Variants in RASGRF1 observed in about 807,000 individuals in gnomAD.
RASGRF1 encodes the protein ras-specific guanine nucleotide-releasing factor 1.
A neutral mutation model predicts 138.7 loss-of-function variants in RASGRF1; 40 were observed. That is an observed-to-expected ratio of 0.29 (90% confidence interval 0.22 to 0.38). RASGRF1 has a LOEUF of 0.38. Among genes scored for constraint, RASGRF1 ranks in the 10% least tolerant of loss-of-function variants. The probability of loss-of-function intolerance (pLI) is 1.00; values close to 1 mark genes in which losing one functional copy is unlikely to be tolerated. For missense variants in RASGRF1, 1,108 were observed against 1,650.4 expected, an observed-to-expected ratio of 0.67 and a Z score of 5.69; for synonymous variants, 614 against 663.2, an observed-to-expected ratio of 0.93 and a Z score of 1.14.
At chr15:78,991,515 T>C (rs1219982117) in intron 21 of RASGRF1, among the ~76,000 whole-genome samples, 176 bp downstream of exon 21, 1 of 152,124 alleles carries the variant, frequency 6.6e-6, no homozygotes, top group East Asian at 1.9e-4. Context: ...GGAGAGAATT[T>C]GGTGGGCAGG....
chr15:79,009,316 G>C lies in RASGRF1; in HGVS notation c.1827-2882C>G, dbSNP rs143806630. On this transcript the variant is annotated intron_variant, in intron 13 of 26. Transcript: ENST00000558480. Reference sequence around the variant, plus strand: ...TCTCAAAAGGAAGGTGAGAAACTGTGAAGAAGCAATAATAAAAGAAATACT... The same window carrying C: ...TCTCAAAAGGAAGGTGAGAAACTGTCAAGAAGCAATAATAAAAGAAATACT... 3.2e-3 allele frequency among the ~76,000 whole-genome samples: 494 copies of C among 152,346 alleles called. 4 individuals carry two copies. Among genetic ancestry groups the C allele is most frequent in the African/African-American group, 0.011 (478 of 41,576 alleles).
At chr15:79,044,191 A>G (rs950156647) in intron 5 of RASGRF1, among the ~76,000 whole-genome samples, 21 of 152,182 alleles carry the variant, frequency 1.4e-4, no homozygotes, top group African/African-American at 5.1e-4. Context: ...TGACCATGAC[A>G]TTCTCTGCCT....
At position 78,985,039 on chromosome 15, in the gene RASGRF1, G is replaced by C; in HGVS notation, c.3382C>G (p.Leu1128Val). 6.2e-7 allele frequency: 1 copy of C among 1,614,112 alleles called. No homozygotes were observed. Among genetic ancestry groups the C allele is most frequent in the Non-Finnish European group, 8.5e-7 (1 of 1,180,000 alleles). The part of the protein sequence containing the change: ...SSMNRSAIFR[L>V]KKTWLKVSKQ... ...GAGACTTTGAGCCACGTCTTTTTGA[G>C]CCGGAAGATTGCACTGCGGTTCATG... is the stretch of plus-strand genomic sequence containing the variant. Residue 1128 changes from leucine (L) to valine (V), a missense_variant, in exon 23 of 27, where the codon CTC (leucine) becomes GTC (valine). Around this residue, in one of 3 missense-constraint regions of RASGRF1, gnomAD observed 686 missense variants for 976.7 expected, o/e 0.70. Coordinates refer to ENST00000558480, the MANE Select transcript of RASGRF1 (RefSeq NM_001145648.3).
At chr15:79,090,186 G>A (rs2058035667) in intron 1 of RASGRF1, 37 bp downstream of exon 1, 3 of 1,551,832 alleles carry the variant, frequency 1.9e-6, no homozygotes, top group Middle Eastern at 2.3e-4. Flanking sequence ...GGCCGCGGCC[G>A]GGACGCAGGG....
At chr15:79,000,856 C>T (rs1033550409) in intron 16 of RASGRF1, among the ~76,000 whole-genome samples, 1 of 152,194 alleles carries the variant, frequency 6.6e-6, no homozygotes, top group Non-Finnish European at 1.5e-5. Context: ...CTCTAAAGCT[C>T]GGTGACCCTG....
intron 23 of RASGRF1, chr15:78,981,509 C>G (rs374233075): frequency 6.6e-6 from 1 of 152,212 alleles, no homozygotes; most frequent in African/African-American, 2.4e-5. Flanking sequence ...CGGTACGTCA[C>G]GCCACCAGAG....
At position 79,046,307 on chromosome 15, in the gene RASGRF1, A is replaced by G. The variant is rs1266988783; in HGVS notation, c.878+439T>C. 6.6e-6 allele frequency among the ~76,000 whole-genome samples: 1 copy of G among 152,208 alleles called. No homozygotes were observed. The highest frequency in any genetic ancestry group is 1.5e-5 in the Non-Finnish European group (1 of 68,050). ...TGATTTATAACTCTTAAACATTTAA[A>G]CCAGGGTTCCTTAACCGTGGCACTA... On this transcript the variant is annotated intron_variant, in intron 5 of 26. Coordinates refer to ENST00000558480, the MANE Select transcript of RASGRF1 (RefSeq NM_001145648.3). This position sits in a 1 kb window ranked among gnomAD's most constrained non-coding sequence, Gnocchi z 5.3.
chr15:78,982,336 C>T (rs1431663637), intron 23 of RASGRF1, among the ~76,000 whole-genome samples: 2 of 152,178 alleles, frequency 1.3e-5, no homozygotes, highest in Non-Finnish European at 2.9e-5. Context: ...TTTTTAACTT[C>T]CTCCACATCC....
intron 1 of RASGRF1, among the ~76,000 whole-genome samples, chr15:79,072,130 G>A (rs2057764934): frequency 6.6e-6 from 1 of 152,112 alleles, no homozygotes; most frequent in Non-Finnish European, 1.5e-5. Context: ...CCTCAGTCAG[G>A]CCAGCTCAGC....
At position 79,006,045 on chromosome 15, in the gene RASGRF1, T is replaced by G. The variant is rs1595894141; in HGVS notation, c.2075+141A>C. ...TCCTGGGGAGAGGGGGCAGTGGCGG[T>G]GTGTGTCCCGCAGCACCCCAACACG... On this transcript the variant is annotated intron_variant, in intron 14 of 26. Transcript: ENST00000558480. The surrounding 1 kb of genome is among the most constrained non-coding windows in gnomAD (Gnocchi z 4.0). 3 of 1,229,750 alleles carry G rather than the reference T, an allele frequency of 2.4e-6. No homozygotes were observed. 76.2% of individuals were successfully genotyped at this position (1,229,750 alleles called of 1,614,324 possible).
intron 8 of RASGRF1, among the ~76,000 whole-genome samples, chr15:79,028,241 C>A (rs1952380503): frequency 2.0e-5 from 3 of 152,148 alleles, no homozygotes. Flanking sequence ...TGTTCATGAC[C>A]CTGACCCTCA....
chr15:79,025,926 TAA>T (rs11328006), intron 9 of RASGRF1, among the ~76,000 whole-genome samples: 35,543 of 143,198 alleles, frequency 0.25, 4,356 homozygotes, highest in Middle Eastern at 0.33. Flanking sequence ...TACTAAGATT[TAA>T]AAAAAAAAAA....
In RASGRF1 at chr15:78,973,190, G is replaced by T; in HGVS notation, c.3612+113C>A. The T allele has an allele frequency of 1.2e-6, 1 of 805,364 alleles. No individual in the cohort carries two copies. The highest frequency in any genetic ancestry group is 1.8e-5 in the South Asian group (1 of 56,258). 49.9% of individuals were successfully genotyped at this position (805,364 alleles called of 1,614,324 possible). The stretch of plus-strand genomic sequence containing the variant: ...GAAGCTGGACCCAGGCTCCCAAATG[G>T]GGGCACCCTATGCAGCAGGTTGGGC... On this transcript the variant is annotated intron_variant, in intron 25 of 26. Transcript: ENST00000558480. This position sits in a 1 kb window ranked among gnomAD's most constrained non-coding sequence, Gnocchi z 4.9.
intron 13 of RASGRF1, among the ~76,000 whole-genome samples, chr15:79,009,190 G>A (rs1431025742): frequency 6.6e-6 from 1 of 152,158 alleles, no homozygotes; most frequent in South Asian, 2.1e-4. Flanking sequence ...GGTGGCTCCC[G>A]GGCTGCTGGC....
At chr15:79,009,756 G>A (rs1299311288) in intron 13 of RASGRF1, among the ~76,000 whole-genome samples, 3 of 150,334 alleles carry the variant, frequency 2.0e-5, no homozygotes, top group South Asian at 2.1e-4. Context: ...ATGGACTCCC[G>A]CTCTGTTGCC....
chr15:78,999,224 G>A (rs1204301614), intron 17 of RASGRF1, among the ~76,000 whole-genome samples: 2 of 152,192 alleles, frequency 1.3e-5, no homozygotes, highest in Admixed American at 1.3e-4. Context: ...TGGGCAATGG[G>A]CTTTATGTCG....
intron 20 of RASGRF1, among the ~76,000 whole-genome samples, chr15:78,992,538 G>C (rs1186286003): frequency 6.6e-6 from 1 of 152,188 alleles, no homozygotes; most frequent in East Asian, 1.9e-4. Flanking sequence ...ATCTGAGTGA[G>C]GGATGCTGGA....
At chr15:78,994,075 C>T (rs1289349595) in intron 20 of RASGRF1, among the ~76,000 whole-genome samples, 1 of 152,194 alleles carries the variant, frequency 6.6e-6, no homozygotes, top group Non-Finnish European at 1.5e-5. Context: ...AACAAGGGGC[C>T]CTCATGCTGT....
chr15:78,993,050 T>A (rs1007084975), intron 20 of RASGRF1, among the ~76,000 whole-genome samples: 2 of 147,288 alleles, frequency 1.4e-5, no homozygotes, highest in Non-Finnish European at 3.0e-5. Flanking sequence ...GTGTGCCATG[T>A]GGGTGGTGTG....
Sources: gnomAD v4.1 joint callset for allele counts (sites outside exome capture counted in the v4.1 genomes callset) on GRCh38, gnomAD v4.1.1 for gene constraint, gnomAD v4.1.1 regional missense constraint, Gnocchi (gnomAD v3.1) non-coding constraint, MANE v1.5 for transcripts, NCBI Gene and HGNC (gene_info 2026-07-23, HGNC 2026-07-21) for gene names.